TMEM117: variants seen among roughly 807,000 people sequenced by gnomAD.
TMEM117 encodes the protein transmembrane protein 117.
In TMEM117, 27 loss-of-function variants were observed where a neutral mutation model predicts 52.4. The ratio of observed to expected loss-of-function variants is 0.51; its 90% confidence interval spans 0.38 to 0.71. The LOEUF (loss-of-function observed/expected upper bound fraction) is 0.71. TMEM117 is among the 30% of genes least tolerant of loss of function. The probability of loss-of-function intolerance (pLI) is 0.00; values close to 1 mark genes in which losing one functional copy is unlikely to be tolerated. For synonymous variants in TMEM117, 215 were observed against 206.3 expected, an observed-to-expected ratio of 1.04 and a Z score of -0.36; for missense variants, 556 against 630.5, an observed-to-expected ratio of 0.88 and a Z score of 1.26.
chr12:44,119,326 G>T (rs1393550521), intron 3 of TMEM117, among the ~76,000 whole-genome samples: 2 of 152,098 alleles, frequency 1.3e-5, no homozygotes, highest in African/African-American at 2.4e-5. Flanking sequence ...GTGAAAAGCT[G>T]ACCACCTCAG....
At chr12:43,896,898 G>C (rs913867533) in intron 2 of TMEM117, among the ~76,000 whole-genome samples, 1 of 152,148 alleles carries the variant, frequency 6.6e-6, no homozygotes, top group Non-Finnish European at 1.5e-5. Context: ...ATATATTTTT[G>C]TGTCAGGCAA....
chr12:44,024,877 C>G (rs1251591344), intron 3 of TMEM117, among the ~76,000 whole-genome samples: 4 of 151,836 alleles, frequency 2.6e-5, no homozygotes, highest in Non-Finnish European at 5.9e-5. Context: ...TGTGTGCACA[C>G]ACATATATGT....
intron 3 of TMEM117, among the ~76,000 whole-genome samples, chr12:44,136,458 G>C (rs1310024131): frequency 1.3e-5 from 2 of 152,012 alleles, no homozygotes; most frequent in Non-Finnish European, 2.9e-5. Flanking sequence ...TAGTTTTGAG[G>C]CTATATTGTT....
At chr12:44,246,339 A>G (rs1950129408) in intron 5 of TMEM117, among the ~76,000 whole-genome samples, 1 of 152,216 alleles carries the variant, frequency 6.6e-6, no homozygotes, top group Non-Finnish European at 1.5e-5. Context: ...CAATAAATAC[A>G]TTAACCACAA....
In TMEM117 at chr12:43,933,881, T is replaced by C. The variant is rs144774488; in HGVS notation, c.278-10329T>C. Among the ~76,000 whole-genome samples the C allele has an allele frequency of 8.2e-3, 1,253 of 152,278 alleles. 8 individuals are homozygous for C. Among genetic ancestry groups the C allele is most frequent in the Middle Eastern group, 0.027 (8 of 294 alleles). On this transcript the variant is annotated intron_variant, in intron 2 of 7. Coordinates refer to ENST00000266534, the MANE Select transcript of TMEM117 (RefSeq NM_032256.3). ...CGGCCCAGAATTTCAATAGTGACAATCTCTAATGGTTCAGGAAATATTTTG... is the reference window on the plus strand; with the variant it reads ...CGGCCCAGAATTTCAATAGTGACAACCTCTAATGGTTCAGGAAATATTTTG...
At chr12:44,208,361 T>TA in intron 4 of TMEM117, among the ~76,000 whole-genome samples, 1 of 152,134 alleles carries the variant, frequency 6.6e-6, no homozygotes, top group African/African-American at 2.4e-5. Context: ...CTCAAAGAGT[T>TA]ATGCACATTT....
chr12:44,000,042 G>A (rs1011716645), intron 3 of TMEM117, among the ~76,000 whole-genome samples: 8 of 152,178 alleles, frequency 5.3e-5, no homozygotes, highest in Admixed American at 1.3e-4. Flanking sequence ...AATTGATGAA[G>A]TCCTTCTTCA....
chr12:44,200,210 A>G (rs777685904), intron 4 of TMEM117, among the ~76,000 whole-genome samples: 3 of 152,196 alleles, frequency 2.0e-5, no homozygotes, highest in Non-Finnish European at 4.4e-5. Context: ...TTCATGTTTC[A>G]TTTATGTCAT....
chr12:44,082,973 AT>A (rs1205633758), intron 3 of TMEM117, among the ~76,000 whole-genome samples: 1 of 151,712 alleles, frequency 6.6e-6, no homozygotes, highest in African/African-American at 2.4e-5. Flanking sequence ...TCTTTTTGTA[AT>A]TTTTTTCATC....
chr12:44,082,267 A>G (rs143377948), intron 3 of TMEM117, among the ~76,000 whole-genome samples: 15 of 152,030 alleles, frequency 9.9e-5, no homozygotes, highest in South Asian at 4.2e-4. Context: ...AATTTTATGG[A>G]TTTCTTAGTC....
chr12:44,161,876 A>G (rs866820897), intron 4 of TMEM117, among the ~76,000 whole-genome samples: 1 of 152,162 alleles, frequency 6.6e-6, no homozygotes, highest in Non-Finnish European at 1.5e-5. Flanking sequence ...ACAAAAATCC[A>G]TAATTCAGGA....
chr12:43,941,151 C>T (rs1200912309), intron 2 of TMEM117, among the ~76,000 whole-genome samples: 1 of 152,172 alleles, frequency 6.6e-6, no homozygotes, highest in Non-Finnish European at 1.5e-5. Context: ...CATAAATACA[C>T]ACTCAGATTT....
At chr12:44,371,248 T>A (rs1951860224) in intron 6 of TMEM117, among the ~76,000 whole-genome samples, 1 of 152,138 alleles carries the variant, frequency 6.6e-6, no homozygotes, top group Non-Finnish European at 1.5e-5. Flanking sequence ...GATGTTATGA[T>A]ATTCATAGAT....
At chr12:44,302,323 G>T (rs1365526800) in intron 6 of TMEM117, among the ~76,000 whole-genome samples, 1 of 152,178 alleles carries the variant, frequency 6.6e-6, no homozygotes, top group African/African-American at 2.4e-5. Flanking sequence ...GTCTGGCCCT[G>T]ACTCTGTATT....
chr12:43,933,970 T>A (rs1332579793), intron 2 of TMEM117, among the ~76,000 whole-genome samples: 6 of 152,270 alleles, frequency 3.9e-5, no homozygotes, highest in Non-Finnish European at 8.8e-5. Context: ...GTTGAAATAA[T>A]GTTTCTAATA....
At chr12:43,988,247 G>T (rs1385321234) in intron 3 of TMEM117, among the ~76,000 whole-genome samples, 1 of 151,988 alleles carries the variant, frequency 6.6e-6, no homozygotes, top group Admixed American at 6.6e-5. Flanking sequence ...ATTAAAAAAT[G>T]TGTGTATGTA....
chr12:44,301,199 G>C (rs1250975595), intron 6 of TMEM117, among the ~76,000 whole-genome samples: 1 of 152,104 alleles, frequency 6.6e-6, no homozygotes, highest in Non-Finnish European at 1.5e-5. Context: ...TACTCTGTTT[G>C]TGTAAGTTTT....
At chr12:44,121,534 A>C (rs1303053700) in intron 3 of TMEM117, among the ~76,000 whole-genome samples, 1 of 152,164 alleles carries the variant, frequency 6.6e-6, no homozygotes, top group East Asian at 1.9e-4. Context: ...TTTTCTTAAT[A>C]ACATTTTCTT....
At chr12:44,040,413 A>G (rs906721918) in intron 3 of TMEM117, among the ~76,000 whole-genome samples, 6 of 152,180 alleles carry the variant, frequency 3.9e-5, no homozygotes, top group African/African-American at 1.4e-4. Flanking sequence ...ACTGTTATAA[A>G]TATATTTCCT....
Sources: allele counts gnomAD v4.1 joint callset (sites outside exome capture counted in the v4.1 genomes callset), GRCh38; gene constraint gnomAD v4.1.1; transcripts MANE v1.5; gene names NCBI Gene and HGNC (gene_info 2026-07-23, HGNC 2026-07-21).